C11orf65: variants seen among roughly 807,000 people sequenced by gnomAD.
C11orf65 encodes the protein protein MFI.
Under a neutral mutation model 35.3 loss-of-function variants are expected in C11orf65, and 38 were observed. That is an observed-to-expected ratio of 1.08 (90% CI 0.83 to 1.41). C11orf65 has a LOEUF of 1.41. Ranked by LOEUF, C11orf65 falls within the 40% of genes most tolerant of loss-of-function variation. The pLI is 0.00. For synonymous variants in C11orf65, 105 were observed against 114.4 expected (o/e 0.92, Z 0.53); for missense variants, 370 against 367.1 (o/e 1.01, Z -0.06).
chr11:108,396,385 GCCTGA>G (rs1414582753), intron 6 of C11orf65, among the ~76,000 whole-genome samples: 2 of 151,958 alleles, frequency 1.3e-5, no homozygotes, highest in African/African-American at 4.8e-5. Flanking sequence ...GAGCCAGTGT[GCCTGA>G]CCTCTTATTT....
downstream of C11orf65, chr11:108,327,890 C>A: frequency 1.3e-6 from 1 of 793,020 alleles, no homozygotes; most frequent in Non-Finnish European, 2.1e-6. Flanking sequence ...ACTGTTGTAG[C>A]TCTGTATAGT....
rs376378539 is a variant in C11orf65 at position 108,406,967 on chromosome 11, T to C, written c.229-4A>G. 17 of 1,600,422 alleles carry C rather than the reference T, an allele frequency of 1.1e-5. No homozygotes were observed. In the African/African-American group the frequency reaches 1.9e-4, roughly 18 times the overall value. ...ATATATCAGGTGGAAATTTAACCTGTAGAAGGAAAAGTTCAAAGAGCCATT... is the reference window on the plus strand; with the variant it reads ...ATATATCAGGTGGAAATTTAACCTGCAGAAGGAAAAGTTCAAAGAGCCATT... On this transcript the variant is annotated splice_polypyrimidine_tract_variant and splice_region_variant and intron_variant, in intron 4 of 8. Transcript: ENST00000393084.
At chr11:108,430,581 C>T (rs541468230) in intron 3 of C11orf65, among the ~76,000 whole-genome samples, 2 of 151,944 alleles carry the variant, frequency 1.3e-5, no homozygotes, top group African/African-American at 2.4e-5. Context: ...CGGTGGTTTA[C>T]ACCTGTAATC....
At chr11:108,451,535 G>T (rs1160460907) in intron 2 of C11orf65, among the ~76,000 whole-genome samples, 1 of 151,930 alleles carries the variant, frequency 6.6e-6, no homozygotes, top group East Asian at 1.9e-4. Context: ...AACATTCCAT[G>T]CTCATGGGTA....
chr11:108,431,632 C>G (rs2092991369), intron 3 of C11orf65, 114 bp downstream of exon 3: 1 of 529,278 alleles, frequency 1.9e-6, no homozygotes, highest in South Asian at 5.6e-5. Context: ...ATGTGTAATA[C>G]TTTAATAAAA....
chr11:108,311,987 A>G (rs2084202025), intron 6 of C11orf65, among the ~76,000 whole-genome samples: 1 of 152,156 alleles, frequency 6.6e-6, no homozygotes, highest in Admixed American at 6.5e-5. Context: ...TTCCTTTTCA[A>G]TAGTTAATAT....
At chr11:108,435,736 AAAT>A (rs2093050775) in intron 2 of C11orf65, among the ~76,000 whole-genome samples, 1 of 152,118 alleles carries the variant, frequency 6.6e-6, no homozygotes, top group African/African-American at 2.4e-5. Context: ...ATCTGCATAT[AAAT>A]ATTAGCCATT....
intron 3 of C11orf65, among the ~76,000 whole-genome samples, chr11:108,410,369 T>A (rs557030797): frequency 2.0e-5 from 3 of 152,238 alleles, no homozygotes; most frequent in Non-Finnish European, 4.4e-5. Flanking sequence ...TTATCAATTT[T>A]ATTAACATAT....
rs1555128701 is a variant in C11orf65, at chr11:108,335,979, T to C, written c.227-687A>G. On this transcript the variant is annotated intron_variant, in intron 2 of 3. Transcript: ENST00000524755. ...CTTATAAGGTAACTATTTGTACTTC[T>C]GTTAGTTCACCAAAAACATATAAAA... 1.9e-6 allele frequency: 3 copies of C among 1,568,080 alleles called. No homozygotes were observed. Among genetic ancestry groups the C allele is most frequent in the African/African-American group, 1.4e-5 (1 of 73,928 alleles).
intron 2 of C11orf65, among the ~76,000 whole-genome samples, chr11:108,374,593 A>G (rs1389111991): frequency 6.6e-6 from 1 of 152,230 alleles, no homozygotes; most frequent in African/African-American, 2.4e-5. Context: ...TCCTCCTCCA[A>G]AGGAACGCAG....
intron 2 of C11orf65, among the ~76,000 whole-genome samples, chr11:108,352,411 G>A (rs1284948437): frequency 1.3e-5 from 2 of 152,156 alleles, no homozygotes; most frequent in African/African-American, 4.8e-5. Flanking sequence ...GCAGAATGAG[G>A]AGACAGAAGA....
At chr11:108,430,897 AACACACACACACACACACACACACACAC>A (rs10588668) in intron 3 of C11orf65, among the ~76,000 whole-genome samples, 29,723 of 143,894 alleles carry the variant, frequency 0.21, 3,680 homozygotes, top group African/African-American at 0.34. Flanking sequence ...AAGGATAGGG[AACACACACACACACACACACACACACAC>A]ACACACACAC....
intron 2 of C11orf65, among the ~76,000 whole-genome samples, chr11:108,350,166 A>C (rs1363928631): frequency 2.6e-5 from 4 of 152,188 alleles, no homozygotes; most frequent in Non-Finnish European, 5.9e-5. Flanking sequence ...TCAATCCTAA[A>C]TTTGTAGTGG....
rs1064795034 is a variant in C11orf65, at chr11:108,334,999, G to A, written c.299+221C>T. On this transcript the variant is annotated intron_variant, in intron 3 of 3. Transcript: ENST00000524755. ...CCACACAGGAGAATATGGAAATCTG[G>A]TGACTATACAGTCATTTAAAGCAGA... is the stretch of plus-strand genomic sequence containing the variant. The A allele has an allele frequency of 1.2e-6, 2 of 1,613,362 alleles. No individual in the cohort carries two copies. Among genetic ancestry groups the A allele is most frequent in the Non-Finnish European group, 1.7e-6 (2 of 1,179,388 alleles).
intron 3 of C11orf65, chr11:108,332,655 T>C: frequency 8.5e-7 from 1 of 1,177,846 alleles, no homozygotes; most frequent in East Asian, 2.5e-5. Context: ...ATCATTCCAT[T>C]GTCTAGATTT....
intron 3 of C11orf65, among the ~76,000 whole-genome samples, chr11:108,408,418 TA>T (rs1486637923): frequency 6.6e-6 from 1 of 152,016 alleles, no homozygotes; most frequent in Non-Finnish European, 1.5e-5. Flanking sequence ...CTCACACCTG[TA>T]ATCCCAACAC....
At chr11:108,416,939 T>C (rs2092741907) in intron 3 of C11orf65, among the ~76,000 whole-genome samples, 1 of 152,092 alleles carries the variant, frequency 6.6e-6, no homozygotes, top group South Asian at 2.1e-4. Context: ...TAATGAGAAA[T>C]AAGTGCATTG....
intron 3 of C11orf65, among the ~76,000 whole-genome samples, chr11:108,411,271 G>A (rs1337145259): frequency 6.6e-6 from 1 of 152,026 alleles, no homozygotes; most frequent in Non-Finnish European, 1.5e-5. Flanking sequence ...AAAATTTGGT[G>A]GTTTTCTACT....
intron 2 of C11orf65, chr11:108,365,052 TC>T (rs1333810950): frequency 1.2e-6 from 2 of 1,609,400 alleles, no homozygotes; most frequent in East Asian, 4.5e-5. Flanking sequence ...TGTACATTGT[TC>T]TTTTAATACA....
Sources: gnomAD v4.1 joint callset for allele counts (sites outside exome capture counted in the v4.1 genomes callset) on GRCh38, gnomAD v4.1.1 for gene constraint, MANE v1.5 for transcripts, NCBI Gene and HGNC (gene_info 2026-07-23, HGNC 2026-07-21) for gene names.